EGF: variants seen among roughly 807,000 people sequenced by gnomAD.
The protein encoded by EGF is epidermal growth factor.
In EGF, 95 loss-of-function variants were observed where a neutral mutation model predicts 143.8. That is an observed-to-expected ratio of 0.66 (90% confidence interval 0.56 to 0.78). The LOEUF is 0.78. Among genes scored for constraint, EGF ranks in the 30% least tolerant of loss-of-function variants. The pLI is 0.00. For synonymous variants in EGF, 510 were observed against 510.5 expected, an observed-to-expected ratio of 1.00 and a Z score of 0.01; for missense variants, 1,320 against 1,470.9, an observed-to-expected ratio of 0.90 and a Z score of 1.68.
At chr4:109,920,572 A>G (rs1737598533) in intron 1 of EGF, among the ~76,000 whole-genome samples, 1 of 151,626 alleles carries the variant, frequency 6.6e-6, no homozygotes, top group Non-Finnish European at 1.5e-5. Flanking sequence ...AATCTTTTTC[A>G]AGAAATTTTA....
At chr4:109,930,215 T>G (rs1334922850) in intron 1 of EGF, among the ~76,000 whole-genome samples, 1 of 152,154 alleles carries the variant, frequency 6.6e-6, no homozygotes, top group African/African-American at 2.4e-5. Flanking sequence ...TTTATAGCAG[T>G]GTGAAAATGG....
intron 16 of EGF, among the ~76,000 whole-genome samples, chr4:109,985,998 G>GT (rs199797869): frequency 1.9e-3 from 285 of 151,960 alleles, no homozygotes; most frequent in African/African-American, 6.0e-3. Context: ...GATCAAAGGG[G>GT]TTTTTTTTAA....
chr4:109,946,435 G>T (rs1318807351), intron 5 of EGF, among the ~76,000 whole-genome samples: 1 of 152,132 alleles, frequency 6.6e-6, no homozygotes, highest in Non-Finnish European at 1.5e-5. Flanking sequence ...TTCCTTTAGG[G>T]TTTTGCAGTC....
intron 12 of EGF, among the ~76,000 whole-genome samples, chr4:109,975,492 A>G (rs1185564453): frequency 6.6e-6 from 1 of 152,246 alleles, no homozygotes; most frequent in East Asian, 1.9e-4. Flanking sequence ...TTGACTTCAA[A>G]AAAAATGTGC....
Position 109,913,347 on chromosome 4 carries a change from T to C in EGF, c.12T>C (p.Thr4=). ...AACTCATCAAGATTATGCTGCTCAC[T>C]CTTATCATTCTGTTGCCAGTAGTTT... is the stretch of plus-strand genomic sequence containing the variant. MLL[T]LIILLPVVSK... The change falls in exon 1 of 24, where the codon ACT becomes ACC. Residue 4 remains threonine (T), a synonymous_variant. Transcript: ENST00000265171. 6.2e-7 allele frequency: 1 copy of C among 1,613,934 alleles called. No individual in the cohort carries two copies. Among genetic ancestry groups the C allele is most frequent in the Non-Finnish European group, 8.5e-7 (1 of 1,179,856 alleles).
chr4:109,921,084 T>C (rs1478885469), intron 1 of EGF, among the ~76,000 whole-genome samples: 2 of 151,592 alleles, frequency 1.3e-5, no homozygotes, highest in Non-Finnish European at 2.9e-5. Flanking sequence ...TGAAAGATCT[T>C]ACTATCTCTG....
rs1742625243 is a variant in EGF at position 109,945,175 on chromosome 4, G to A, written c.840G>A (p.Met280Ile). 6.2e-7 allele frequency: 1 copy of A among 1,613,974 alleles called. No homozygotes were observed. ...WIANKHTGKD[M>I]VRINLHSSFV... is the part of the protein sequence containing the mutation. Reference sequence around the variant, plus strand: ...CCAACAAACACACTGGAAAGGACATGGTTAGAATTAACCTCCATTCATCAT... The same window carrying A: ...CCAACAAACACACTGGAAAGGACATAGTTAGAATTAACCTCCATTCATCAT... The change falls in exon 5 of 24, where the codon ATG becomes ATA. Residue 280 changes from methionine (M) to isoleucine (I), a missense_variant. Around this residue, in one of 5 missense-constraint regions of EGF, gnomAD observed 1,186 missense variants for 1,313.7 expected, o/e 0.90. Coordinates refer to ENST00000265171, the MANE Select transcript of EGF (RefSeq NM_001963.6).
chr4:109,963,743 C>G (rs770111921), intron 9 of EGF, among the ~76,000 whole-genome samples: 2 of 151,956 alleles, frequency 1.3e-5, no homozygotes, highest in Non-Finnish European at 2.9e-5. Context: ...CTGATATTAC[C>G]TCTCTTGCAT....
At position 109,959,278 on chromosome 4, in the gene EGF, G is replaced by A. The variant is rs766127465; in HGVS notation, c.941-34G>A. On this transcript the variant is annotated intron_variant, in intron 5 of 23. Transcript: ENST00000265171. ...TTAGCAGTGTCCTCTGTCAAAACAC[G>A]GCCCCACTCCAAATAAAGCATCTTC... The A allele has an allele frequency of 7.1e-5, 115 of 1,613,076 alleles. No individual in the cohort carries two copies. In the Admixed American group the frequency reaches 1.8e-3, roughly 25 times the overall value.
At position 109,993,254 on chromosome 4, in the gene EGF, T is replaced by C. The variant is rs886058993; in HGVS notation, c.2742T>C (p.Asp914=). 12 of 1,613,674 alleles carry C rather than the reference T, an allele frequency of 7.4e-6. No individual in the cohort carries two copies. The highest frequency in any genetic ancestry group is 9.3e-6 in the Non-Finnish European group (11 of 1,179,872). Residue 914 remains aspartate (D), a synonymous_variant, in exon 19 of 24, where the codon GAT becomes GAC. Transcript: ENST00000265171. ...QGDGIHCLDI[D]ECQLGEHSCG... is the part of the protein sequence containing the mutation. Reference sequence around the variant, plus strand: ...CTCTGTCTTTTCTGACAGATATTGATGAGTGCCAACTGGGGGAGCACAGCT... The same window carrying C: ...CTCTGTCTTTTCTGACAGATATTGACGAGTGCCAACTGGGGGAGCACAGCT...
In EGF at chr4:109,989,247, G is replaced by A. The variant is rs139373499; in HGVS notation, c.2734+538G>A. 5.3e-5 allele frequency among the ~76,000 whole-genome samples: 8 copies of A among 152,262 alleles called. No homozygotes were observed. The East Asian group carries it at 5.8e-4, about 11-fold the overall frequency. ...GTAAAGAATGATTCAACCCTCTTTC[G>A]TAATCCCCGTCCTCTGGCAAGGTCT... On this transcript the variant is annotated intron_variant, in intron 18 of 23. Transcript: ENST00000265171.
chr4:109,920,313 T>C (rs1171015433), intron 1 of EGF, among the ~76,000 whole-genome samples: 2 of 151,770 alleles, frequency 1.3e-5, no homozygotes, highest in Non-Finnish European at 2.9e-5. Context: ...TATAAACTTA[T>C]TGCAAACAAA....
chr4:109,957,671 C>T (rs1745015682), intron 5 of EGF, among the ~76,000 whole-genome samples: 1 of 152,230 alleles, frequency 6.6e-6, no homozygotes, highest in South Asian at 2.1e-4. Context: ...GTCTCAGGCC[C>T]TCTGCCTGCT....
At chr4:109,914,757 A>G (rs1736310915) in intron 1 of EGF, among the ~76,000 whole-genome samples, 2 of 152,206 alleles carry the variant, frequency 1.3e-5, no homozygotes, top group African/African-American at 4.8e-5. Context: ...GTGACAAATG[A>G]CAAAAATGGC....
chr4:109,981,125 T>G (rs1749297746), intron 15 of EGF, 150 bp downstream of exon 15: 1 of 1,280,486 alleles, frequency 7.8e-7, no homozygotes. Flanking sequence ...TGTTTATTTG[T>G]TCTCTTCTGC....
chr4:109,947,099 A>G (rs911249451), intron 5 of EGF, among the ~76,000 whole-genome samples: 1 of 152,078 alleles, frequency 6.6e-6, no homozygotes, highest in African/African-American at 2.4e-5. Flanking sequence ...AGACTGGGTG[A>G]CAGATTGAGA....
At chr4:109,984,355 G>T (rs570396708) in intron 16 of EGF, among the ~76,000 whole-genome samples, 1 of 152,040 alleles carries the variant, frequency 6.6e-6, no homozygotes, top group African/African-American at 2.4e-5. Flanking sequence ...CGTGGCTCTG[G>T]GTACCTCTTA....
Position 109,913,303 on chromosome 4 carries a change from G to A in EGF, c.-33G>A, listed in dbSNP as rs1486292523. The A allele has an allele frequency of 6.2e-7, 1 of 1,612,318 alleles. No individual in the cohort carries two copies. The highest frequency in any genetic ancestry group is 8.5e-7 in the Non-Finnish European group (1 of 1,179,012). The stretch of plus-strand genomic sequence containing the variant: ...GGCCATGCTCCAGCAAAATCAAGCT[G>A]TTTTCTTTTGAAAGTTCAAACTCAT... On this transcript the variant is annotated 5_prime_UTR_variant, in exon 1 of 24. Coordinates refer to ENST00000265171, the MANE Select transcript of EGF (RefSeq NM_001963.6).
chr4:109,990,157 A>G (rs1385732737), intron 18 of EGF, among the ~76,000 whole-genome samples: 3 of 152,180 alleles, frequency 2.0e-5, no homozygotes, highest in Non-Finnish European at 4.4e-5. Context: ...GCCATCTGGG[A>G]TAGCAATTCA....
Sources: allele counts gnomAD v4.1 joint callset (sites outside exome capture counted in the v4.1 genomes callset), GRCh38; gene constraint gnomAD v4.1.1; regional missense constraint gnomAD v4.1.1; transcripts MANE v1.5; gene names NCBI Gene and HGNC (gene_info 2026-07-23, HGNC 2026-07-21).